The following ELMO2 variants were observed in gnomAD, a reference collection of about 807,000 sequenced individuals.
ELMO2 encodes the protein engulfment and cell motility 2.
A neutral mutation model predicts 96.2 loss-of-function variants in ELMO2; 37 were observed. That is an observed-to-expected ratio of 0.38 (90% confidence interval 0.30 to 0.51). The LOEUF (loss-of-function observed/expected upper bound fraction) is 0.51. Ranked by LOEUF, ELMO2 falls within the 20% of genes least tolerant of loss-of-function variation. The pLI is 0.88. For synonymous variants in ELMO2, 315 were observed against 329.4 expected (o/e 0.96, Z 0.47); for missense variants, 561 against 912.6 (o/e 0.61, Z 4.96).
intron 10 of ELMO2, chr20:46,382,286 G>A (rs2059970844): frequency 1.6e-6 from 2 of 1,289,070 alleles, no homozygotes; most frequent in South Asian, 1.2e-5. Context: ...GACGGAATGA[G>A]CTTTCAGCTT....
At chr20:46,368,467 C>T (rs73296033) in intron 21 of ELMO2, among the ~76,000 whole-genome samples, 3,948 of 152,182 alleles carry the variant, frequency 0.026, 173 homozygotes, top group African/African-American at 0.09. Context: ...TAGCTGACCA[C>T]AGAGAAACTG....
In ELMO2 at chr20:46,380,270, G is replaced by A. The variant is rs1166553619; in HGVS notation, c.790C>T (p.Arg264Trp). ...MANAFAQKHL[R>W]SIILNHVIRG... Reference sequence around the variant, plus strand: ...GAACTCACATTCAGGATTATAGACCGGAGATGCTTCTGTGCAAATGCATTT... The same window carrying A: ...GAACTCACATTCAGGATTATAGACCAGAGATGCTTCTGTGCAAATGCATTT... Residue 264 changes from arginine to tryptophan, a missense_variant, in exon 11 of 22, where the codon CGG becomes TGG. Arg to Trp is a moderately radical substitution (Grantham distance 101, BLOSUM62 -3). Transcript: ENST00000290246. 2 of 1,613,460 alleles carry A rather than the reference G, an allele frequency of 1.2e-6. No individual in the cohort carries two copies. Among genetic ancestry groups the A allele is most frequent in the Non-Finnish European group, 1.7e-6 (2 of 1,179,512 alleles).
chr20:46,373,590 G>C (rs781365739), intron 15 of ELMO2, 55 bp from the exon 16 acceptor site: 107 of 1,593,550 alleles, frequency 6.7e-5, no homozygotes, highest in Non-Finnish European at 8.9e-5. Context: ...AAGGGCCTGG[G>C]AGCTCATGTC....
chr20:46,388,257 G>T (rs1327364528), intron 7 of ELMO2, among the ~76,000 whole-genome samples: 1 of 152,178 alleles, frequency 6.6e-6, no homozygotes, highest in Non-Finnish European at 1.5e-5. Context: ...CAGTGCTGAT[G>T]GCAGCTGAAG....
chr20:46,383,388 T>A (rs371139861), intron 10 of ELMO2, 28 bp downstream of exon 10: 2 of 1,604,112 alleles, frequency 1.2e-6, no homozygotes, highest in African/African-American at 2.7e-5. Context: ...AGAGCCCAGA[T>A]GAAAAATGTG....
chr20:46,381,102 C>T (rs762363125), intron 10 of ELMO2, among the ~76,000 whole-genome samples: 2 of 152,142 alleles, frequency 1.3e-5, no homozygotes, highest in African/African-American at 2.4e-5. Flanking sequence ...GCTAAGGAGT[C>T]GGCTTCATCA....
In ELMO2 at chr20:46,375,146, G is replaced by A; in HGVS notation, c.1065+90C>T. On this transcript the variant is annotated intron_variant, in intron 13 of 21. Transcript: ENST00000290246. The surrounding 1 kb of genome is among the most constrained non-coding windows in gnomAD (Gnocchi z 4.6). ...TGTCATCTATTCCAGGGCCACCATG[G>A]GGTTGGTTGTCAGAGCTCTGTCTGG... is the stretch of plus-strand genomic sequence containing the variant. 4 of 1,506,666 alleles carry A rather than the reference G, an allele frequency of 2.7e-6. No homozygotes were observed. The highest frequency in any genetic ancestry group is 3.6e-6 in the Non-Finnish European group (4 of 1,121,950). 93.3% of individuals were successfully genotyped at this position (1,506,666 alleles called of 1,614,324 possible).
In ELMO2 at chr20:46,371,775, C is replaced by A; in HGVS notation, c.1580+31G>T. On this transcript the variant is annotated intron_variant, in intron 17 of 21. Transcript: ENST00000290246. This position sits in a 1 kb window ranked among gnomAD's most constrained non-coding sequence, Gnocchi z 5.9. ...GGAAAGCAGAGCTGGCAGCCACCTC[C>A]CCCGCCAGCCTCCCCTGAGATGGAA... 6.2e-7 allele frequency: 1 copy of A among 1,613,876 alleles called. No homozygotes were observed. Among genetic ancestry groups the A allele is most frequent in the Non-Finnish European group, 8.5e-7 (1 of 1,179,778 alleles).
intron 1 of ELMO2, among the ~76,000 whole-genome samples, chr20:46,402,781 C>T (rs1333965375): frequency 6.6e-6 from 1 of 152,232 alleles, no homozygotes; most frequent in Middle Eastern, 3.2e-3. Flanking sequence ...AGGCCTAGGC[C>T]CCCACTTCTG....
At chr20:46,372,792 G>A (rs1201902459) in intron 16 of ELMO2, 1 of 152,162 alleles carries the variant, frequency 6.6e-6, no homozygotes, top group Non-Finnish European at 1.5e-5. Context: ...AACCTGTAGG[G>A]GATAAAAAAG....
At chr20:46,400,020 C>T (rs1487042781) in intron 1 of ELMO2, among the ~76,000 whole-genome samples, 1 of 152,034 alleles carries the variant, frequency 6.6e-6, no homozygotes, top group Non-Finnish European at 1.5e-5. Context: ...GCCTGTAGTC[C>T]CTAGCTACTC....
At chr20:46,373,958 C>T (rs1333923690) in intron 15 of ELMO2, among the ~76,000 whole-genome samples, 18 of 142,018 alleles carry the variant, frequency 1.3e-4, no homozygotes, top group African/African-American at 4.7e-4. Context: ...AAGATAGAGT[C>T]TCACTCTGTC....
chr20:46,388,620 T>C (rs2060092285), intron 7 of ELMO2, among the ~76,000 whole-genome samples: 2 of 151,370 alleles, frequency 1.3e-5, no homozygotes. Context: ...TGTGTGTGTA[T>C]GGGCTGGGAG....
At chr20:46,400,767 T>A (rs2060322490) in intron 1 of ELMO2, among the ~76,000 whole-genome samples, 1 of 152,206 alleles carries the variant, frequency 6.6e-6, no homozygotes, top group African/African-American at 2.4e-5. Context: ...AATAGGAACA[T>A]TAGTGTCTCC....
intron 10 of ELMO2, among the ~76,000 whole-genome samples, chr20:46,381,547 G>T (rs1476437316): frequency 1.3e-5 from 2 of 152,180 alleles, no homozygotes; most frequent in Non-Finnish European, 2.9e-5. Context: ...TAGCAGAGGA[G>T]GACAGTGGCC....
chr20:46,380,095 G>A lies in ELMO2; in HGVS notation c.807+158C>T, dbSNP rs537890296. The A allele has an allele frequency of 2.2e-5, 13 of 599,538 alleles. 1 individual carries two copies. In the South Asian group the frequency reaches 2.4e-4, roughly 11 times the overall value. The allele number at this position is 599,538 out of a possible 1,614,324, so 37.1% of individuals were successfully genotyped here. A position where few individuals can be genotyped will look rare whatever the true frequency, so the allele number is the denominator to read the frequency against. ...GAGGCAACTCTGCTCACAGAGGATC[G>A]CGGGAAAAAGCTATTCAGTTCAAGA... On this transcript the variant is annotated intron_variant, in intron 11 of 21. Transcript: ENST00000290246.
At position 46,393,575 on chromosome 20, in the gene ELMO2, T is replaced by A. The variant is rs758305382; in HGVS notation, c.146A>T (p.Tyr49Phe). ...AGGACCATCTGCATAACGGAGGGTA[T>A]AATACTCTGGGTTTGGCAACGACCA... Reference protein sequence around the residue: ...DGWSLPNPEYYTLRYADGPQL... With the variant: ...DGWSLPNPEYFTLRYADGPQL... The change falls in exon 5 of 22, where the codon TAT (tyrosine) becomes TTT (phenylalanine). Residue 49 changes from tyrosine to phenylalanine, a missense_variant. Tyr to Phe is a conservative substitution (Grantham distance 22). Coordinates refer to ENST00000290246, the MANE Select transcript of ELMO2 (RefSeq NM_133171.5). 14 of 1,613,874 alleles carry A rather than the reference T, an allele frequency of 8.7e-6. No homozygotes were observed. The highest frequency in any genetic ancestry group is 1.2e-5 in the Non-Finnish European group (14 of 1,180,030).
At chr20:46,368,860 C>T in intron 21 of ELMO2, 31 bp downstream of exon 21, 1 of 1,612,376 alleles carries the variant, frequency 6.2e-7, no homozygotes, top group Non-Finnish European at 8.5e-7. Flanking sequence ...AGAAATAGCT[C>T]TGTTGTCTAA....
Position 46,386,205 on chromosome 20 carries a change from C to T in ELMO2, c.596G>A (p.Ser199Asn), listed in dbSNP as rs1373602909. Reference sequence around the variant, plus strand: ...CAGACTCTGGCTGTTCAAGACCATGCTCTCCAGGATGGCCAGGGACCTCTG... The same window carrying T: ...CAGACTCTGGCTGTTCAAGACCATGTTCTCCAGGATGGCCAGGGACCTCTG... Reference protein sequence around the residue: ...ILQRSLAILESMVLNSQSLYQ... With the variant: ...ILQRSLAILENMVLNSQSLYQ... Residue 199 changes from serine to asparagine, a missense_variant, in exon 9 of 22, where the codon AGC becomes AAC. By Grantham distance (46) the Ser-to-Asn change is conservative. Transcript: ENST00000290246. 1.2e-6 allele frequency: 2 copies of T among 1,614,146 alleles called. No individual in the cohort carries two copies. The highest frequency in any genetic ancestry group is 1.7e-6 in the Non-Finnish European group (2 of 1,180,016).
Sources: gnomAD v4.1 joint callset for allele counts (sites outside exome capture counted in the v4.1 genomes callset) on GRCh38, gnomAD v4.1.1 for gene constraint, Gnocchi (gnomAD v3.1) non-coding constraint, MANE v1.5 for transcripts, NCBI Gene and HGNC (gene_info 2026-07-23, HGNC 2026-07-21) for gene names.